Variants in NCAPD3 observed in about 807,000 individuals in gnomAD.
NCAPD3 encodes the protein condensin-2 complex subunit D3.
NCAPD3 carries 105 observed loss-of-function variants against 182.9 expected under a neutral mutation model. The ratio of observed to expected loss-of-function variants is 0.57; its 90% CI spans 0.49 to 0.68. NCAPD3 has a LOEUF of 0.68. NCAPD3 is among the 30% of genes least tolerant of loss of function. The pLI is 0.00. For missense variants in NCAPD3, 1,944 were observed against 1,837.0 expected (o/e 1.06, Z -1.07); for synonymous variants, 815 against 679.9 (o/e 1.20, Z -3.09).
chr11:134,193,670 T>C (rs1339512365), intron 15 of NCAPD3, among the ~76,000 whole-genome samples: 1 of 152,158 alleles, frequency 6.6e-6, no homozygotes, highest in Non-Finnish European at 1.5e-5. Flanking sequence ...GGAGAGTTGC[T>C]TGAACCTGAG....
Position 134,181,094 on chromosome 11 carries a change from T to C in NCAPD3, c.2542A>G (p.Met848Val), listed in dbSNP as rs909145396. The C allele has an allele frequency of 5.0e-6, 8 of 1,613,332 alleles. No homozygotes were observed. In the African/African-American group the frequency reaches 9.3e-5, roughly 19 times the overall value. ...IVLKENGTGN[M>V]DEDLLVKYIF... ...TCGCTTACCAACAGGTCTTCGTCCA[T>C]ATTCCCTGTTCCATTCTCCTTGAGA... Residue 848 changes from methionine to valine, a missense_variant, in exon 20 of 35, where the codon ATG (methionine) becomes GTG (valine). Physicochemically the swap from Met to Val is conservative, Grantham distance 21. This residue lies in a region of NCAPD3 where 1,803 missense variants were observed against 1,674.6 expected (regional missense o/e 1.08). Coordinates refer to ENST00000534548, the MANE Select transcript of NCAPD3 (RefSeq NM_015261.3).
intron 3 of NCAPD3, 132 bp from the exon 4 acceptor site, chr11:134,210,586 G>C (rs1937796682): frequency 3.8e-6 from 3 of 793,158 alleles, no homozygotes; most frequent in Admixed American, 5.6e-5. Flanking sequence ...CCTGTAGCAA[G>C]AGTACCATTT....
At chr11:134,224,348 T>C (rs1012200868), upstream of NCAPD3, 6 of 274,328 alleles carry the variant, frequency 2.2e-5, no homozygotes, top group Non-Finnish European at 3.5e-5. Flanking sequence ...CCGTCAGCAC[T>C]CGAACAGCGT....
intron 24 of NCAPD3, chr11:134,173,078 G>T: frequency 6.5e-6 from 1 of 154,200 alleles, no homozygotes; most frequent in South Asian, 1.8e-4. Flanking sequence ...GTGGGTGATG[G>T]GGAGGCAGGG....
At chr11:134,153,569 T>C (rs879547998) in intron 32 of NCAPD3, 8 of 601,154 alleles carry the variant, frequency 1.3e-5, no homozygotes, top group Non-Finnish European at 1.8e-5. Flanking sequence ...CCCCCTTCTC[T>C]GACCCGCAGC....
Position 134,168,762 on chromosome 11 carries a change from T to C in NCAPD3, c.3239+155A>G, listed in dbSNP as rs558916048. Among the ~76,000 whole-genome samples, 11 of 152,252 alleles carry C rather than the reference T, an allele frequency of 7.2e-5. No homozygotes were observed. In the East Asian group the frequency reaches 2.1e-3, roughly 29 times the overall value. ...AGGCGCTGCCCTTAGGAAGCGATTC[T>C]CACGACTGTATTTTCTTACGCCATC... On this transcript the variant is annotated intron_variant, in intron 25 of 34. Transcript: ENST00000534548.
chr11:134,157,580 C>T (rs914192994), intron 31 of NCAPD3, among the ~76,000 whole-genome samples: 1 of 152,176 alleles, frequency 6.6e-6, no homozygotes, highest in African/African-American at 2.4e-5. Context: ...AAGCTGTCTA[C>T]TACATCTACT....
chr11:134,188,456 T>A (rs1285400295), intron 16 of NCAPD3, among the ~76,000 whole-genome samples: 1 of 152,216 alleles, frequency 6.6e-6, no homozygotes, highest in Non-Finnish European at 1.5e-5. Flanking sequence ...GTGGAAGCTT[T>A]GTTCTTTCGC....
At chr11:134,164,905 T>C (rs1490437478) in intron 27 of NCAPD3, among the ~76,000 whole-genome samples, 2 of 150,038 alleles carry the variant, frequency 1.3e-5, no homozygotes, top group African/African-American at 2.5e-5. Context: ...TAGGGGGAGC[T>C]GCACACTCAC....
intron 8 of NCAPD3, among the ~76,000 whole-genome samples, 153 bp from the exon 9 acceptor site, chr11:134,205,124 A>G (rs1051684750): frequency 1.9e-4 from 29 of 152,250 alleles, no homozygotes; most frequent in African/African-American, 6.8e-4. Flanking sequence ...AAGACATAAA[A>G]TGTCATCGTA....
intron 32 of NCAPD3, 184 bp downstream of exon 32, chr11:134,156,834 C>T (rs1052301644): frequency 1.2e-5 from 6 of 511,798 alleles, no homozygotes; most frequent in East Asian, 3.1e-5. Flanking sequence ...ACAACATACT[C>T]GGTCAGTGCT....
Position 134,204,579 on chromosome 11 carries a change from G to A in NCAPD3, c.1089+320C>T, listed in dbSNP as rs118002761. On this transcript the variant is annotated intron_variant, in intron 9 of 34. Transcript: ENST00000534548. This position sits in a 1 kb window ranked among gnomAD's most constrained non-coding sequence, Gnocchi z 4.3. ...TCAAAACACAATCCAGTATACACAT[G>A]TTGGGGGATGTGGGGTAGGGGTTTA... Among the ~76,000 whole-genome samples the A allele has an allele frequency of 0.018, 2,695 of 152,310 alleles. 32 individuals carry two copies. Among genetic ancestry groups the A allele is most frequent in the Non-Finnish European group, 0.028 (1,892 of 68,014 alleles).
chr11:134,153,452 T>C (rs1943321618), intron 32 of NCAPD3, 89 bp from the exon 33 acceptor site: 1 of 1,340,774 alleles, frequency 7.5e-7, no homozygotes, highest in Admixed American at 1.7e-5. Flanking sequence ...AGGCAGGGTG[T>C]CCACATCAGT....
rs767896728 is a variant in NCAPD3 at position 134,152,801 on chromosome 11, G to A, written c.*143C>T. ...CATACAGAATAGAAGGTGAGTGCCA[G>A]GCCCCTGAGGAGGAGCTCTCGTGTT... On this transcript the variant is annotated 3_prime_UTR_variant, in exon 35 of 35. Transcript: ENST00000534548. 7.8e-6 allele frequency: 5 copies of A among 641,284 alleles called. No homozygotes were observed. Among genetic ancestry groups the A allele is most frequent in the Non-Finnish European group, 1.1e-5 (4 of 366,374 alleles). The allele number at this position is 641,284 out of a possible 1,614,324, so 39.7% of individuals were successfully genotyped here.
In NCAPD3 at chr11:134,185,326, G is replaced by A; in HGVS notation, c.2237+9C>T. 3 of 1,588,820 alleles carry A rather than the reference G, an allele frequency of 1.9e-6. No individual in the cohort carries two copies. Among genetic ancestry groups the A allele is most frequent in the Non-Finnish European group, 2.6e-6 (3 of 1,168,584 alleles). On this transcript the variant is annotated intron_variant, in intron 17 of 34. Transcript: ENST00000534548. The stretch of plus-strand genomic sequence containing the variant: ...AGTGTCATTACTGGTTAAATTAGAA[G>A]ATACAAACCTGCTGATTTTCTCCCA...
intron 13 of NCAPD3, 76 bp from the exon 14 acceptor site, chr11:134,194,814 C>A (rs577109411): frequency 2.2e-6 from 2 of 913,928 alleles, no homozygotes; most frequent in South Asian, 3.1e-5. Context: ...CACACAATAC[C>A]CAGAAAATAC....
In NCAPD3 at chr11:134,152,906, G is replaced by A. The variant is rs750796868; in HGVS notation, c.*38C>T. The stretch of plus-strand genomic sequence containing the variant: ...GGAGGACACGAGACTGCTTCCTCAA[G>A]GGCTCCTGCCTGCCTGGACACTGGT... On this transcript the variant is annotated 3_prime_UTR_variant, in exon 35 of 35. Transcript: ENST00000534548. 6.1e-6 allele frequency: 9 copies of A among 1,469,086 alleles called. No homozygotes were observed. Among genetic ancestry groups the A allele is most frequent in the Non-Finnish European group, 3.7e-6 (4 of 1,090,654 alleles). The allele number at this position is 1,469,086 out of a possible 1,614,324, so 91.0% of individuals were successfully genotyped here.
At chr11:134,192,585 G>A (rs1232411614) in intron 16 of NCAPD3, 104 bp downstream of exon 16, 1 of 948,130 alleles carries the variant, frequency 1.1e-6, no homozygotes, top group Non-Finnish European at 1.6e-6. Flanking sequence ...CATACACTAA[G>A]TAATCTGGAA....
At chr11:134,166,006 C>G (rs978059104) in intron 27 of NCAPD3, among the ~76,000 whole-genome samples, 1 of 130,224 alleles carries the variant, frequency 7.7e-6, no homozygotes, top group Admixed American at 7.5e-5. Flanking sequence ...GCAGCACACT[C>G]ACTTGTGAGA....
Sources: allele counts gnomAD v4.1 joint callset (sites outside exome capture counted in the v4.1 genomes callset), GRCh38; gene constraint gnomAD v4.1.1; regional missense constraint gnomAD v4.1.1; non-coding constraint Gnocchi (gnomAD v3.1); transcripts MANE v1.5; gene names NCBI Gene and HGNC (gene_info 2026-07-23, HGNC 2026-07-21).